CTNNA3: variants seen among roughly 807,000 people sequenced by gnomAD.
CTNNA3 encodes the protein catenin alpha-3.
CTNNA3 carries 76 observed loss-of-function variants against 95.7 expected under a neutral mutation model. The observed-to-expected ratio is 0.79, with a 90% CI of 0.66 to 0.96. The LOEUF (loss-of-function observed/expected upper bound fraction) is 0.96, where lower values mean the gene tolerates loss of function less well. Ranked by LOEUF, CTNNA3 falls within the 40% of genes least tolerant of loss-of-function variation. The pLI is 0.00. For missense variants in CTNNA3, 1,191 were observed against 1,089.8 expected, an observed-to-expected ratio of 1.09 and a Z score of -1.31; for synonymous variants, 431 against 374.4, an observed-to-expected ratio of 1.15 and a Z score of -1.74.
chr10:66,978,392 T>C (rs997778361), intron 7 of CTNNA3, among the ~76,000 whole-genome samples: 37 of 151,052 alleles, frequency 2.4e-4, no homozygotes, highest in Admixed American at 4.6e-4. Flanking sequence ...CTGGGCGTGG[T>C]GGTGGGCGCC....
At chr10:66,196,274 TC>T (rs1313209796) in intron 13 of CTNNA3, among the ~76,000 whole-genome samples, 1 of 152,152 alleles carries the variant, frequency 6.6e-6, no homozygotes, top group Non-Finnish European at 1.5e-5. Flanking sequence ...AAGCTGATTT[TC>T]CCTAGAAAAG....
At chr10:66,433,593 T>C (rs750592866) in intron 11 of CTNNA3, among the ~76,000 whole-genome samples, 52 of 152,238 alleles carry the variant, frequency 3.4e-4, no homozygotes, top group Non-Finnish European at 6.3e-4. Context: ...TTCTGTAGGT[T>C]GCCTGTTTCC....
At chr10:67,401,708 A>T (rs1290049253) in intron 5 of CTNNA3, among the ~76,000 whole-genome samples, 1 of 152,172 alleles carries the variant, frequency 6.6e-6, no homozygotes, top group Non-Finnish European at 1.5e-5. Flanking sequence ...TCCCCCTTGC[A>T]CTGCAGAACA....
Position 67,214,721 on chromosome 10 carries a change from T to A in CTNNA3, c.843+4886A>T, listed in dbSNP as rs570299758. On this transcript the variant is annotated intron_variant, in intron 6 of 17. Coordinates refer to ENST00000433211, the MANE Select transcript of CTNNA3 (RefSeq NM_013266.4). ...CTTGAAAAACAGCTGTATCATGTAT[T>A]GAACTCAAGGTTAACAGTTATTTTC... is the stretch of plus-strand genomic sequence containing the variant. Among the ~76,000 whole-genome samples, 4 of 152,098 alleles carry A rather than the reference T, an allele frequency of 2.6e-5. No individual in the cohort carries two copies. The East Asian group carries it at 7.7e-4, about 29-fold the overall frequency.
intron 7 of CTNNA3, among the ~76,000 whole-genome samples, chr10:67,104,093 A>G (rs1199437869): frequency 6.6e-6 from 1 of 151,896 alleles, no homozygotes; most frequent in Non-Finnish European, 1.5e-5. Flanking sequence ...CAAAATTGAT[A>G]AAGAAATATC....
At chr10:67,691,868 G>A (rs1370088198) in intron 1 of CTNNA3, among the ~76,000 whole-genome samples, 4 of 143,706 alleles carry the variant, frequency 2.8e-5, no homozygotes, top group Non-Finnish European at 6.1e-5. Flanking sequence ...CTGGCCAGCT[G>A]CCCCGTCCGG....
At chr10:66,028,286 A>ACACAT (rs1264377231) in intron 15 of CTNNA3, among the ~76,000 whole-genome samples, 45 of 152,202 alleles carry the variant, frequency 3.0e-4, no homozygotes, top group African/African-American at 1.1e-3. Flanking sequence ...TGCTATAAAG[A>ACACAT]CACATGCACA....
chr10:66,066,743 T>C (rs1464584612), intron 15 of CTNNA3, among the ~76,000 whole-genome samples: 1 of 152,118 alleles, frequency 6.6e-6, no homozygotes, highest in Non-Finnish European at 1.5e-5. Context: ...TTCAGAAGAA[T>C]ACAAAGTAGA....
intron 12 of CTNNA3, among the ~76,000 whole-genome samples, chr10:66,281,546 T>C (rs114942844): frequency 6.6e-6 from 1 of 151,936 alleles, no homozygotes; most frequent in African/African-American, 2.4e-5. Flanking sequence ...TTTTGGGACT[T>C]TACACTTTAC....
intron 4 of CTNNA3, among the ~76,000 whole-genome samples, chr10:67,534,445 C>T (rs1009984930): frequency 2.0e-5 from 3 of 151,910 alleles, no homozygotes; most frequent in African/African-American, 7.3e-5. Flanking sequence ...TTCCAATGAA[C>T]ATAATTTAGA....
chr10:67,074,443 CG>C (rs1856639915), intron 7 of CTNNA3, among the ~76,000 whole-genome samples: 1 of 147,314 alleles, frequency 6.8e-6, no homozygotes, highest in South Asian at 2.2e-4. Flanking sequence ...CTCCACCTCC[CG>C]GGTTCACGCC....
intron 9 of CTNNA3, among the ~76,000 whole-genome samples, chr10:66,651,704 C>T (rs1000060128): frequency 1.1e-4 from 17 of 152,174 alleles, no homozygotes; most frequent in South Asian, 1.0e-3. Context: ...CCTGCTGGCC[C>T]GGGTGCTAAG....
intron 11 of CTNNA3, among the ~76,000 whole-genome samples, chr10:66,480,515 A>T (rs377235095): frequency 2.0e-5 from 3 of 152,192 alleles, no homozygotes; most frequent in African/African-American, 7.2e-5. Context: ...ATATGTCATT[A>T]TAAAACAGAA....
At chr10:66,309,905 A>AT (rs1589065232) in intron 12 of CTNNA3, among the ~76,000 whole-genome samples, 2 of 118,992 alleles carry the variant, frequency 1.7e-5, no homozygotes, top group East Asian at 4.8e-4. Flanking sequence ...CAAAGATACA[A>AT]AAAATAAATA....
chr10:65,995,767 G>A (rs1217008104), intron 15 of CTNNA3, among the ~76,000 whole-genome samples: 1 of 152,222 alleles, frequency 6.6e-6, no homozygotes, highest in East Asian at 1.9e-4. Flanking sequence ...GTTTCTGTTA[G>A]TGGTGGCTGT....
intron 7 of CTNNA3, among the ~76,000 whole-genome samples, chr10:67,107,214 C>T (rs1858683411): frequency 6.6e-6 from 1 of 152,186 alleles, no homozygotes. Context: ...AAAGACCAGG[C>T]TCAATTTTTG....
intron 13 of CTNNA3, among the ~76,000 whole-genome samples, chr10:66,238,182 T>C (rs928729339): frequency 2.0e-5 from 3 of 152,050 alleles, no homozygotes; most frequent in African/African-American, 7.2e-5. Context: ...GCAAAAGTGA[T>C]GAAATTTAAA....
chr10:66,238,955 T>C (rs1049604247), intron 13 of CTNNA3, among the ~76,000 whole-genome samples: 8 of 151,838 alleles, frequency 5.3e-5, no homozygotes, highest in Admixed American at 1.3e-4. Context: ...GAGGAGGTTA[T>C]AGTTAATGGA....
intron 7 of CTNNA3, among the ~76,000 whole-genome samples, chr10:67,067,202 C>T (rs1856145271): frequency 6.6e-6 from 1 of 151,866 alleles, no homozygotes; most frequent in Non-Finnish European, 1.5e-5. Context: ...AGAAATATAC[C>T]ACAGAAGTGA....
Sources: allele counts gnomAD v4.1 joint callset (sites outside exome capture counted in the v4.1 genomes callset), GRCh38; gene constraint gnomAD v4.1.1; transcripts MANE v1.5; gene names NCBI Gene and HGNC (gene_info 2026-07-23, HGNC 2026-07-21).